The following HACL2 variants were observed in gnomAD, a reference collection of about 807,000 sequenced individuals.
HACL2 encodes the protein 2-hydroxyacyl-CoA lyase 2, also known as 2-hydroxyacyl-CoA lyase 1 like.
chr19:15,123,661 T>G, the HACL2 span: 2 of 1,262,470 alleles, frequency 1.6e-6, no homozygotes, highest in Non-Finnish European at 2.3e-6. This position sits in a 1 kb window ranked among gnomAD's most constrained non-coding sequence, Gnocchi z 5.1. Context: ...CTGCCCCAGG[T>G]AAGGGGGCAG....
the HACL2 span, chr19:15,119,027 G>T: frequency 1.6e-5 from 14 of 883,476 alleles, 1 homozygote; most frequent in Non-Finnish European, 2.1e-5. Flanking sequence ...CGTCTGGTTG[G>T]GTTCAAAGCG....
chr19:15,122,598 G>T, the HACL2 span: 1 of 1,040,430 alleles, frequency 9.6e-7, no homozygotes, highest in Non-Finnish European at 1.5e-6. The surrounding 1 kb of genome is among the most constrained non-coding windows in gnomAD (Gnocchi z 4.0). Flanking sequence ...TCTCCTCCCA[G>T]TCCACATGTG....
At chr19:15,123,396 C>T in the HACL2 span, 1 of 1,613,976 alleles carries the variant, frequency 6.2e-7, no homozygotes, top group Non-Finnish European at 8.5e-7. The surrounding 1 kb of genome is among the most constrained non-coding windows in gnomAD (Gnocchi z 5.1). Context: ...GCCATAGCAT[C>T]AGCAGCAAAG....
At chr19:15,118,021 GT>G in the HACL2 span, 1 of 1,614,034 alleles carries the variant, frequency 6.2e-7, no homozygotes, top group Non-Finnish European at 8.5e-7. Flanking sequence ...AGTTCCTGGT[GT>G]GGGGGACAGG....
the HACL2 span, chr19:15,123,766 C>G: frequency 1.7e-6 from 1 of 597,386 alleles, no homozygotes; most frequent in African/African-American, 1.9e-5. This position sits in a 1 kb window ranked among gnomAD's most constrained non-coding sequence, Gnocchi z 5.1. Context: ...CTTATCAGAT[C>G]CTCTTGTCAT....
the HACL2 span, chr19:15,124,906 C>T: frequency 6.3e-7 from 1 of 1,593,536 alleles, no homozygotes; most frequent in Admixed American, 1.7e-5. Context: ...CAGCCCACCT[C>T]CCATTCTGTG....
chr19:15,115,744 G>A, the HACL2 span: 1 of 1,568,502 alleles, frequency 6.4e-7, no homozygotes, highest in Non-Finnish European at 8.8e-7. Flanking sequence ...CAGAGACAGG[G>A]ATAGGGCCTC....
the HACL2 span, chr19:15,123,700 G>A: frequency 2.5e-6 from 2 of 811,002 alleles, no homozygotes; most frequent in Non-Finnish European, 3.9e-6. This position sits in a 1 kb window ranked among gnomAD's most constrained non-coding sequence, Gnocchi z 5.1. Flanking sequence ...AGAGAAGCTT[G>A]GTCTTGGTTA....
At chr19:15,124,926 T>C in the HACL2 span, 1 of 1,605,192 alleles carries the variant, frequency 6.2e-7, no homozygotes, top group Non-Finnish European at 8.5e-7. Context: ...GCCCCGCACC[T>C]TGTGCAGCAG....
chr19:15,120,178 G>A, the HACL2 span: 3 of 758,800 alleles, frequency 4.0e-6, no homozygotes, highest in South Asian at 5.1e-5. Context: ...GAAAAGCCAG[G>A]AGCAAAGTGG....
chr19:15,119,352 C>A, the HACL2 span: 1 of 1,608,122 alleles, frequency 6.2e-7, no homozygotes. Context: ...CCTCCCGCCT[C>A]CCCAAGAGCA....
chr19:15,117,994 A>G, the HACL2 span: 2 of 1,614,192 alleles, frequency 1.2e-6, no homozygotes, highest in Non-Finnish European at 1.7e-6. Flanking sequence ...GCCATAGGAT[A>G]GGCGGAAGTC....
chr19:15,121,582 G>T, the HACL2 span, among the ~76,000 whole-genome samples: 1 of 151,962 alleles, frequency 6.6e-6, no homozygotes, highest in African/African-American at 2.4e-5. Flanking sequence ...GCCGAGGAGG[G>T]TGGATCACTT....
At chr19:15,121,093 T>C in the HACL2 span, among the ~76,000 whole-genome samples, 1 of 152,184 alleles carries the variant, frequency 6.6e-6, no homozygotes, top group South Asian at 2.1e-4. Context: ...ACCTCATCTC[T>C]ACTAAAAATA....
the HACL2 span, chr19:15,123,756 C>G: frequency 1.7e-6 from 1 of 600,738 alleles, no homozygotes. The surrounding 1 kb of genome is among the most constrained non-coding windows in gnomAD (Gnocchi z 5.1). Context: ...GGCATAACAT[C>G]TTATCAGATC....
chr19:15,120,615 C>T, the HACL2 span, among the ~76,000 whole-genome samples: 1 of 152,238 alleles, frequency 6.6e-6, no homozygotes, highest in Non-Finnish European at 1.5e-5. Context: ...AGGACCTGTG[C>T]AGGGCCCTGG....
At chr19:15,122,977 A>G in the HACL2 span, 1 of 1,603,504 alleles carries the variant, frequency 6.2e-7, no homozygotes, top group Non-Finnish European at 8.5e-7. The surrounding 1 kb of genome is among the most constrained non-coding windows in gnomAD (Gnocchi z 4.0). Flanking sequence ...CACAAAACTT[A>G]CAGAGTGGCC....
At chr19:15,119,638 C>A in the HACL2 span, 11 of 826,262 alleles carry the variant, frequency 1.3e-5, no homozygotes, top group African/African-American at 1.7e-5. Context: ...GCAGCCTCCA[C>A]CTCCCAGGTT....
chr19:15,120,240 G>A, the HACL2 span, among the ~76,000 whole-genome samples: 13 of 152,150 alleles, frequency 8.5e-5, no homozygotes, highest in Non-Finnish European at 1.8e-4. Flanking sequence ...AACCCTAGTG[G>A]CCAGGTCTTC....
Sources: gnomAD v4.1 joint callset for allele counts (sites outside exome capture counted in the v4.1 genomes callset) on GRCh38, gnomAD v4.1.1 for gene constraint, Gnocchi (gnomAD v3.1) non-coding constraint, MANE v1.5 for transcripts, NCBI Gene and HGNC (gene_info 2026-07-23, HGNC 2026-07-21) for gene names.